ARHGAP30: variants seen among roughly 807,000 people sequenced by gnomAD.
ARHGAP30 encodes the protein Rho GTPase activating protein 30.
In ARHGAP30, 23 loss-of-function variants were observed where a neutral mutation model predicts 72.0. The ratio of observed to expected loss-of-function variants is 0.32; its 90% CI spans 0.23 to 0.45. ARHGAP30 has a LOEUF of 0.45. Ranked by LOEUF, ARHGAP30 falls within the 20% of genes least tolerant of loss-of-function variation. The probability of loss-of-function intolerance (pLI) is 1.00; values close to 1 mark genes in which losing one functional copy is unlikely to be tolerated. For synonymous variants in ARHGAP30, 576 were observed against 528.2 expected (o/e 1.09, Z -1.24); for missense variants, 1,319 against 1,383.4 (o/e 0.95, Z 0.74).
chr1:161,056,262 G>C, intron 3 of ARHGAP30, 126 bp downstream of exon 3: 1 of 1,360,408 alleles, frequency 7.4e-7, no homozygotes, highest in Non-Finnish European at 9.8e-7. Flanking sequence ...TCCCCGGTAA[G>C]TTTTTCTGTG....
chr1:161,060,236 T>C (rs1057435153), intron 1 of ARHGAP30: 3 of 451,472 alleles, frequency 6.6e-6, no homozygotes, highest in Non-Finnish European at 1.3e-5. Flanking sequence ...AGCCGCACTC[T>C]GGCCTGCTGG....
chr1:161,054,248 T>C (rs1424853539), intron 5 of ARHGAP30, 118 bp downstream of exon 5: 3 of 904,310 alleles, frequency 3.3e-6, no homozygotes, highest in Non-Finnish European at 5.2e-6. Context: ...CTCACTGGGC[T>C]TTGTGAGCCC....
chr1:161,048,923 CT>C lies in ARHGAP30; in HGVS notation c.2097del (p.Glu700ArgfsTer6). On this transcript the variant is annotated frameshift_variant, in exon 12 of 12. Coordinates refer to ENST00000368013, the MANE Select transcript of ARHGAP30 (RefSeq NM_001025598.2). LOFTEE classifies it low-confidence loss of function (END_TRUNC). ...CCTTCTCTCAATCTGACTTTTGTCT[CT>C]TGGCTTCCCCCAGCCTCCCCTCTAT... ...SEDRGEAGGS[Q>X]ETKVRLREGS... 1 of 1,614,072 alleles carries C rather than the reference CT, an allele frequency of 6.2e-7. No homozygotes were observed. Among genetic ancestry groups the C allele is most frequent in the Non-Finnish European group, 8.5e-7 (1 of 1,180,032 alleles).
At position 161,047,809 on chromosome 1, in the gene ARHGAP30, C is replaced by T; in HGVS notation, c.3212G>A (p.Arg1071Lys). 1 of 1,606,210 alleles carries T rather than the reference C, an allele frequency of 6.2e-7. No individual in the cohort carries two copies. Among genetic ancestry groups the T allele is most frequent in the South Asian group, 1.1e-5 (1 of 89,996 alleles). Residue 1071 changes from arginine to lysine, a missense_variant, in exon 12 of 12, where the codon AGA (arginine) becomes AAA (lysine). Physicochemically the swap from Arg to Lys is conservative, Grantham distance 26. This residue lies in a region of ARHGAP30 where 1,097 missense variants were observed against 1,045.2 expected (regional missense o/e 1.05). Transcript: ENST00000368013. Reference protein sequence around the residue: ...GSRSRLSLPPREPQVPDPLLS... With the variant: ...GSRSRLSLPPKEPQVPDPLLS... ...CAGGGGGTCAGGAACCTGGGGTTCT[C>T]TGGGGGGCAGACTAAGACGACTCCG...
intron 1 of ARHGAP30, among the ~76,000 whole-genome samples, chr1:161,068,311 A>G (rs1652909938): frequency 6.6e-6 from 1 of 152,166 alleles, no homozygotes; most frequent in Non-Finnish European, 1.5e-5. Context: ...CCCAGTGAGA[A>G]GAGGAAGGCT....
chr1:161,052,630 G>A lies in ARHGAP30; in HGVS notation c.832C>T (p.His278Tyr). Residue 278 changes from histidine (H) to tyrosine (Y), a missense_variant, in exon 7 of 12, where the codon CAC becomes TAC. His to Tyr is a moderately conservative substitution (Grantham distance 83). Transcript: ENST00000368013. ...PYHTIIEIAE[H>Y]KRKGSLKVRK... The stretch of plus-strand genomic sequence containing the variant: ...GGCCCAGGAAGGAGGCCTTACTTGT[G>A]CTCTGCAATCTCGATGATAGTATGG... 1 of 1,613,936 alleles carries A rather than the reference G, an allele frequency of 6.2e-7. No individual in the cohort carries two copies. The highest frequency in any genetic ancestry group is 8.5e-7 in the Non-Finnish European group (1 of 1,179,912).
chr1:161,056,512 C>A lies in ARHGAP30; in HGVS notation c.221G>T (p.Arg74Leu). The A allele has an allele frequency of 1.9e-6, 3 of 1,613,618 alleles. No individual in the cohort carries two copies. Among genetic ancestry groups the A allele is most frequent in the Non-Finnish European group, 2.5e-6 (3 of 1,179,952 alleles). ...QKLRQEFESERKPDLRRDVYL... is the reference protein window; with the variant it reads ...QKLRQEFESELKPDLRRDVYL... ...AACATCCCGACGCAGGTCTGGCTTC[C>A]GCTCTGACTCAAATTCCTGCCTGGG... The change falls in exon 3 of 12, where the codon CGG becomes CTG. Residue 74 changes from arginine (R) to leucine (L), a missense_variant. Coordinates refer to ENST00000368013, the MANE Select transcript of ARHGAP30 (RefSeq NM_001025598.2).
Position 161,053,508 on chromosome 1 carries a change from A to ATCTCTCTCTC in ARHGAP30, c.537-124_537-123insGAGAGAGAGA, listed in dbSNP as rs1553217392. On this transcript the variant is annotated intron_variant, in intron 5 of 11. Coordinates refer to ENST00000368013, the MANE Select transcript of ARHGAP30 (RefSeq NM_001025598.2). The stretch of plus-strand genomic sequence containing the variant: ...TCTCTCTCTCTCTCTCTCTCTCTCG[A>ATCTCTCTCTC]ATGACCTTAACCCCTTCTCTACCTC... 2.9e-4 allele frequency: 206 copies of ATCTCTCTCTC among 720,000 alleles called. 2 individuals are homozygous for ATCTCTCTCTC. Among genetic ancestry groups the ATCTCTCTCTC allele is most frequent in the South Asian group, 3.0e-4 (15 of 49,602 alleles). The allele number at this position is 720,000 out of a possible 1,614,324, so 44.6% of individuals were successfully genotyped here. A position where few individuals can be genotyped will look rare whatever the true frequency, so the allele number is the denominator to read the frequency against.
In ARHGAP30 at chr1:161,049,552, C is replaced by T. The variant is rs1302630583; in HGVS notation, c.1558G>A (p.Glu520Lys). ...FSFLEDSSSS[E>K]PEWVGAEDGE... is the part of the protein sequence containing the mutation. ...TCCTCTGCCCCCACCCACTCAGGTT[C>T]TGAGCTGCTTGAGTCCTCTAGGAAG... Residue 520 changes from glutamate to lysine, a missense_variant, in exon 11 of 12, where the codon GAA becomes AAA. Glu to Lys is a moderately conservative substitution (Grantham distance 56). This residue lies in a region of ARHGAP30 where 1,097 missense variants were observed against 1,045.2 expected (regional missense o/e 1.05). Transcript: ENST00000368013. 5 of 1,614,176 alleles carry T rather than the reference C, an allele frequency of 3.1e-6. No individual in the cohort carries two copies. Among genetic ancestry groups the T allele is most frequent in the Non-Finnish European group, 4.2e-6 (5 of 1,180,018 alleles).
At chr1:161,057,206 A>T (rs973406594) in intron 2 of ARHGAP30, among the ~76,000 whole-genome samples, 10 of 150,898 alleles carry the variant, frequency 6.6e-5, no homozygotes, top group Non-Finnish European at 1.3e-4. Flanking sequence ...CCAGACTGGC[A>T]TGCAGTGGCA....
intron 2 of ARHGAP30, among the ~76,000 whole-genome samples, chr1:161,058,318 T>A (rs1571103165): frequency 1.5e-5 from 2 of 132,534 alleles, no homozygotes; most frequent in South Asian, 2.4e-4. Context: ...TCCCAAAAAA[T>A]AAATAAATAA....
At chr1:161,067,345 G>A (rs1202732707) in intron 1 of ARHGAP30, among the ~76,000 whole-genome samples, 1 of 152,152 alleles carries the variant, frequency 6.6e-6, no homozygotes, top group Non-Finnish European at 1.5e-5. Flanking sequence ...GGCCGAGGCG[G>A]GTGGATCATG....
rs1260429641 is a variant in ARHGAP30, at chr1:161,048,200, G to C, written c.2821C>G (p.Pro941Ala). Residue 941 changes from proline (P) to alanine (A), a missense_variant, in exon 12 of 12, where the codon CCC (proline) becomes GCC (alanine). Pro to Ala is a conservative substitution (Grantham distance 27). This residue lies in a region of ARHGAP30 where 1,097 missense variants were observed against 1,045.2 expected (regional missense o/e 1.05). Transcript: ENST00000368013. ...VQQVRSVPVVPPKPQFAKMPS... is the reference protein window; with the variant it reads ...VQQVRSVPVVAPKPQFAKMPS... ...ATCTTGGCAAACTGTGGCTTGGGGG[G>C]CACCACAGGCACAGAGCGGACCTGT... 6.2e-7 allele frequency: 1 copy of C among 1,614,160 alleles called. No individual in the cohort carries two copies. The highest frequency in any genetic ancestry group is 1.7e-5 in the Admixed American group (1 of 60,020).
At position 161,049,207 on chromosome 1, in the gene ARHGAP30, C is replaced by A; in HGVS notation, c.1814G>T (p.Gly605Val). The A allele has an allele frequency of 1.2e-6, 2 of 1,614,136 alleles. No individual in the cohort carries two copies. Among genetic ancestry groups the A allele is most frequent in the Non-Finnish European group, 1.7e-6 (2 of 1,180,000 alleles). ...ATAGGCACTCAGGAAAACTTCCTCCCCATTTTCCTCCTCAACTTCAGGCCT... is the reference window on the plus strand; with the variant it reads ...ATAGGCACTCAGGAAAACTTCCTCCACATTTTCCTCCTCAACTTCAGGCCT... The part of the protein sequence containing the change: ...GPRPEVEEEN[G>V]EEVFLSAYDD... Residue 605 changes from glycine (G) to valine (V), a missense_variant, in exon 12 of 12, where the codon GGG (glycine) becomes GTG (valine). Gly to Val is a moderately radical substitution (Grantham distance 109, BLOSUM62 -3). This residue lies in a region of ARHGAP30 where 1,097 missense variants were observed against 1,045.2 expected (regional missense o/e 1.05). Coordinates refer to ENST00000368013, the MANE Select transcript of ARHGAP30 (RefSeq NM_001025598.2).
In ARHGAP30 at chr1:161,069,743, T is replaced by C; in HGVS notation, c.-119A>G. ...TGGCCCGGCCCCAGGGGGGCAGGGC[T>C]CCCAATTGGGGGTGGAGGGTGGCCT... On this transcript the variant is annotated 5_prime_UTR_variant, in exon 1 of 12. Coordinates refer to ENST00000368013, the MANE Select transcript of ARHGAP30 (RefSeq NM_001025598.2). This position sits in a 1 kb window ranked among gnomAD's most constrained non-coding sequence, Gnocchi z 4.9. 8.9e-7 allele frequency: 1 copy of C among 1,129,620 alleles called. No individual in the cohort carries two copies. The highest frequency in any genetic ancestry group is 1.3e-6 in the Non-Finnish European group (1 of 788,006). The allele number at this position is 1,129,620 out of a possible 1,614,324, so 70.0% of individuals were successfully genotyped here. A position where few individuals can be genotyped will look rare whatever the true frequency, so the allele number is the denominator to read the frequency against.
At chr1:161,067,616 G>T (rs1652863172) in intron 1 of ARHGAP30, among the ~76,000 whole-genome samples, 1 of 150,614 alleles carries the variant, frequency 6.6e-6, no homozygotes. Flanking sequence ...ATCTATCAAA[G>T]ATTAGGAAAA....
At chr1:161,053,462 T>TC in intron 5 of ARHGAP30, 77 bp from the exon 6 acceptor site, 8 of 689,132 alleles carry the variant, frequency 1.2e-5, no homozygotes, top group Admixed American at 3.0e-5. Context: ...AAATACCTTA[T>TC]TCTCTCTCTC....
chr1:161,064,797 AAGAAAGAAAG>A (rs1652591777), intron 1 of ARHGAP30, among the ~76,000 whole-genome samples: 1 of 68,888 alleles, frequency 1.5e-5, no homozygotes, highest in Non-Finnish European at 2.7e-5. Flanking sequence ...GAAAGAAAGA[AAGAAAGAAAG>A]AAAGAAAGAA....
chr1:161,049,717 T>G (rs1361925399), intron 10 of ARHGAP30, 28 bp from the exon 11 acceptor site: 1 of 1,604,650 alleles, frequency 6.2e-7, no homozygotes, highest in Non-Finnish European at 8.5e-7. Context: ...GTCCCAGGAA[T>G]ACAAAGGTCA....
Sources: allele counts gnomAD v4.1 joint callset (sites outside exome capture counted in the v4.1 genomes callset), GRCh38; gene constraint gnomAD v4.1.1; regional missense constraint gnomAD v4.1.1; non-coding constraint Gnocchi (gnomAD v3.1); transcripts MANE v1.5; gene names NCBI Gene and HGNC (gene_info 2026-07-23, HGNC 2026-07-21).